ADAM22: variants seen among roughly 807,000 people sequenced by gnomAD.
ADAM22 encodes disintegrin and metalloproteinase domain-containing protein 22.
Under a neutral mutation model 144.6 loss-of-function variants are expected in ADAM22, and 65 were observed. The ratio of observed to expected loss-of-function variants is 0.45; its 90% CI spans 0.37 to 0.55. The LOEUF (loss-of-function observed/expected upper bound fraction) is 0.55, where lower values mean the gene tolerates loss of function less well. ADAM22 is among the 20% of genes least tolerant of loss of function. The pLI is 0.00. For synonymous variants in ADAM22, 391 were observed against 412.6 expected, an observed-to-expected ratio of 0.95 and a Z score of 0.63; for missense variants, 974 against 1,184.9, an observed-to-expected ratio of 0.82 and a Z score of 2.61.
intron 4 of ADAM22, among the ~76,000 whole-genome samples, chr7:88,101,757 T>C (rs1822989289): frequency 6.6e-6 from 1 of 152,156 alleles, no homozygotes; most frequent in African/African-American, 2.4e-5. Context: ...TAGTGTAAGA[T>C]TTCAGTGAGC....
chr7:87,973,448 G>T (rs1851018527), intron 2 of ADAM22, among the ~76,000 whole-genome samples: 1 of 152,012 alleles, frequency 6.6e-6, no homozygotes, highest in Non-Finnish European at 1.5e-5. Context: ...ACAGGTGCTG[G>T]AGAGGATGTG....
At chr7:88,081,624 A>T (rs1210513880) in intron 4 of ADAM22, among the ~76,000 whole-genome samples, 4 of 149,822 alleles carry the variant, frequency 2.7e-5, no homozygotes, top group African/African-American at 9.9e-5. Flanking sequence ...CCTTAAGCTG[A>T]TAAGCAACTT....
chr7:88,064,307 C>T (rs148386582), intron 3 of ADAM22, among the ~76,000 whole-genome samples: 1 of 152,154 alleles, frequency 6.6e-6, no homozygotes, highest in Admixed American at 6.5e-5. Flanking sequence ...TTTAGTGGTC[C>T]AGAGAATGAG....
At position 88,007,071 on chromosome 7, in the gene ADAM22, A is replaced by C. The variant is rs546286930; in HGVS notation, c.323+28659A>C. On this transcript the variant is annotated intron_variant, in intron 3 of 31. Coordinates refer to ENST00000413139, the MANE Select transcript of ADAM22 (RefSeq NM_001324418.2). Reference sequence around the variant, plus strand: ...CAGCAAAGTCTCAGTATACAAAATCAATGTACAAAAATCACAAGCATTCTT... The same window carrying C: ...CAGCAAAGTCTCAGTATACAAAATCCATGTACAAAAATCACAAGCATTCTT... 2.0e-5 allele frequency among the ~76,000 whole-genome samples: 3 copies of C among 152,344 alleles called. No individual in the cohort carries two copies. In the South Asian group the frequency reaches 6.2e-4, roughly 32 times the overall value.
intron 4 of ADAM22, among the ~76,000 whole-genome samples, chr7:88,091,026 A>G (rs943651329): frequency 1.3e-5 from 2 of 152,200 alleles, no homozygotes; most frequent in Non-Finnish European, 2.9e-5. Flanking sequence ...TGGAAATATT[A>G]TAGTTTTGAT....
rs183100053 is a variant in ADAM22 at position 88,131,741 on chromosome 7, C to G, written c.992+306C>G. The G allele has an allele frequency of 2.4e-4, 81 of 339,082 alleles. No homozygotes were observed. In the Admixed American group the frequency reaches 3.6e-3, roughly 15 times the overall value. 21.0% of individuals were successfully genotyped at this position (339,082 alleles called of 1,614,324 possible). A position where few individuals can be genotyped will look rare whatever the true frequency, so the allele number is the denominator to read the frequency against. Reference sequence around the variant, plus strand: ...TTCTTAACTACAGATAAATTATATTCTTTAAAGTTACTGTCTTTTAAATGT... The same window carrying G: ...TTCTTAACTACAGATAAATTATATTGTTTAAAGTTACTGTCTTTTAAATGT... On this transcript the variant is annotated intron_variant, in intron 11 of 31. Transcript: ENST00000413139.
chr7:88,033,543 C>T (rs1800788785), intron 3 of ADAM22, among the ~76,000 whole-genome samples: 1 of 152,222 alleles, frequency 6.6e-6, no homozygotes, highest in Admixed American at 6.5e-5. Context: ...GTGGTGACCA[C>T]TGCCTTGCTA....
At chr7:88,166,081 C>T in intron 24 of ADAM22, 135 bp downstream of exon 24, 1 of 555,618 alleles carries the variant, frequency 1.8e-6, no homozygotes, top group Non-Finnish European at 3.0e-6. Context: ...CAACTGGGGT[C>T]CATTTTATGA....
chr7:88,026,099 CT>C (rs1185348400), intron 3 of ADAM22, among the ~76,000 whole-genome samples: 1 of 152,142 alleles, frequency 6.6e-6, no homozygotes, highest in African/African-American at 2.4e-5. Context: ...TAAGTATCTA[CT>C]ATAAATTGGA....
At chr7:88,036,903 A>G (rs914210570) in intron 3 of ADAM22, among the ~76,000 whole-genome samples, 1 of 152,012 alleles carries the variant, frequency 6.6e-6, no homozygotes, top group Admixed American at 6.5e-5. Context: ...CAATGAGAAT[A>G]TATATATATT....
intron 18 of ADAM22, 87 bp from the exon 19 acceptor site, chr7:88,150,894 T>C (rs1838150899): frequency 1.7e-6 from 2 of 1,159,144 alleles, no homozygotes; most frequent in South Asian, 1.3e-5. Flanking sequence ...TTAACAAATA[T>C]GTTTTTAAAA....
At chr7:88,085,160 G>T (rs193149044) in intron 4 of ADAM22, among the ~76,000 whole-genome samples, 1 of 152,156 alleles carries the variant, frequency 6.6e-6, no homozygotes, top group Non-Finnish European at 1.5e-5. Flanking sequence ...CCTTCCTTAA[G>T]AGCCCTGTAA....
chr7:88,033,859 C>T (rs4259347), intron 3 of ADAM22, among the ~76,000 whole-genome samples: 4,505 of 151,910 alleles, frequency 0.03, 215 homozygotes, highest in African/African-American at 0.1. Context: ...GCCAGGCTAC[C>T]ACTAATGTTT....
chr7:88,128,432 T>C (rs1830969912), intron 8 of ADAM22, among the ~76,000 whole-genome samples, 170 bp from the exon 9 acceptor site: 1 of 152,044 alleles, frequency 6.6e-6, no homozygotes, highest in Non-Finnish European at 1.5e-5. Flanking sequence ...TTCTGAGTCA[T>C]GTAAATTTAT....
chr7:87,998,482 C>T (rs1169341239), intron 3 of ADAM22, among the ~76,000 whole-genome samples: 1 of 152,146 alleles, frequency 6.6e-6, no homozygotes, highest in East Asian at 1.9e-4. Context: ...CCTCCGCCTC[C>T]CAGGTGCAGG....
chr7:88,007,500 A>T (rs1343215515), intron 3 of ADAM22, among the ~76,000 whole-genome samples: 2 of 152,182 alleles, frequency 1.3e-5, no homozygotes, highest in South Asian at 2.1e-4. Flanking sequence ...CTCAAACTAT[A>T]CTACAAGTCT....
intron 2 of ADAM22, among the ~76,000 whole-genome samples, chr7:87,951,503 T>C (rs1281451556): frequency 1.1e-5 from 1 of 89,446 alleles, no homozygotes; most frequent in Non-Finnish European, 2.1e-5. Context: ...GATCTATATC[T>C]GTGTTTTGGT....
At chr7:88,167,385 A>G (rs778670006) in intron 24 of ADAM22, among the ~76,000 whole-genome samples, 24 of 152,242 alleles carry the variant, frequency 1.6e-4, no homozygotes, top group Middle Eastern at 3.4e-3. Context: ...CTTAAAGATT[A>G]TATCTCAGCC....
At chr7:88,023,929 T>G (rs1446605781) in intron 3 of ADAM22, among the ~76,000 whole-genome samples, 1 of 152,102 alleles carries the variant, frequency 6.6e-6, no homozygotes, top group Non-Finnish European at 1.5e-5. Context: ...CACAAATAAG[T>G]GAGAACATGT....
Sources: allele counts gnomAD v4.1 joint callset (sites outside exome capture counted in the v4.1 genomes callset), GRCh38; gene constraint gnomAD v4.1.1; transcripts MANE v1.5; gene names NCBI Gene and HGNC (gene_info 2026-07-23, HGNC 2026-07-21).